Variants in AGBL1 observed in about 807,000 individuals in gnomAD.
AGBL1 encodes the protein cytosolic carboxypeptidase 4.
Under a neutral mutation model 118.9 loss-of-function variants are expected in AGBL1, and 130 were observed. The ratio of observed to expected loss-of-function variants is 1.09; its 90% CI spans 0.95 to 1.26. AGBL1 has a LOEUF of 1.26. Ranked by LOEUF, AGBL1 falls within the 50% of genes most tolerant of loss-of-function variation. The pLI is 0.00. For missense variants in AGBL1, 1,584 were observed against 1,298.1 expected (o/e 1.22, Z -3.38); for synonymous variants, 555 against 478.9 (o/e 1.16, Z -2.08).
At chr15:86,462,252 A>C (rs2082343370) in intron 18 of AGBL1, among the ~76,000 whole-genome samples, 1 of 152,082 alleles carries the variant, frequency 6.6e-6, no homozygotes, top group South Asian at 2.1e-4. Flanking sequence ...TATTGTATGG[A>C]GGGCCATATC....
intron 22 of AGBL1, among the ~76,000 whole-genome samples, chr15:86,876,121 T>C (rs2079803998): frequency 6.6e-6 from 1 of 152,172 alleles, no homozygotes; most frequent in South Asian, 2.1e-4. Flanking sequence ...CTCAAAATAT[T>C]GTAGGGTGGA....
chr15:86,584,443 G>A (rs1388206512), intron 21 of AGBL1, among the ~76,000 whole-genome samples: 2 of 152,078 alleles, frequency 1.3e-5, no homozygotes, highest in Non-Finnish European at 2.9e-5. Flanking sequence ...TGAAAAGGGA[G>A]TACTTTCCCC....
chr15:86,906,369 C>T (rs1470662134), intron 22 of AGBL1, among the ~76,000 whole-genome samples: 1 of 152,176 alleles, frequency 6.6e-6, no homozygotes, highest in Non-Finnish European at 1.5e-5. Flanking sequence ...GCTGGTCAAC[C>T]CCTGTTGATC....
intron 16 of AGBL1, among the ~76,000 whole-genome samples, chr15:86,293,434 G>A (rs2079580115): frequency 6.6e-6 from 1 of 152,134 alleles, no homozygotes; most frequent in African/African-American, 2.4e-5. Context: ...CATCTTCAAA[G>A]CCAGCAAGGG....
At chr15:86,124,233 G>C (rs945663382) in intron 1 of AGBL1, among the ~76,000 whole-genome samples, 1 of 151,444 alleles carries the variant, frequency 6.6e-6, no homozygotes, top group Non-Finnish European at 1.5e-5. Flanking sequence ...AGGAGGCTGA[G>C]GCAGGAGAAT....
At position 86,860,506 on chromosome 15, in the gene AGBL1, A is replaced by AAAGTTATGACTCT. The variant is rs1402082209; in HGVS notation, c.3159-46581_3159-46580insAAGTTATGACTCT. 4.6e-5 allele frequency among the ~76,000 whole-genome samples: 7 copies of AAAGTTATGACTCT among 152,126 alleles called. No individual in the cohort carries two copies. In the East Asian group the frequency reaches 1.4e-3, roughly 29 times the overall value. On this transcript the variant is annotated intron_variant, in intron 22 of 22. Transcript: ENST00000614907. ...CCAGCTGAGAAGTGAGAAAGAGTTA[A>AAAGTTATGACTCT]CTGCAGTCATAAAGCACAGAGGCTG...
At chr15:86,809,914 T>G in intron 22 of AGBL1, among the ~76,000 whole-genome samples, 1 of 152,154 alleles carries the variant, frequency 6.6e-6, no homozygotes, top group East Asian at 1.9e-4. Context: ...CAATAAAAGC[T>G]CTGCTGGATC....
intron 3 of AGBL1, among the ~76,000 whole-genome samples, chr15:86,146,664 G>A (rs896298190): frequency 1.3e-5 from 2 of 152,272 alleles, no homozygotes; most frequent in East Asian, 3.9e-4. Flanking sequence ...TATTACTATT[G>A]TAGTGATTAC....
At chr15:86,903,321 T>G (rs1246561481) in intron 22 of AGBL1, among the ~76,000 whole-genome samples, 1 of 152,118 alleles carries the variant, frequency 6.6e-6, no homozygotes, top group African/African-American at 2.4e-5. Context: ...ATTCTGTTAT[T>G]GGATTTCTCA....
At chr15:86,667,967 G>A (rs1218913529) in intron 21 of AGBL1, among the ~76,000 whole-genome samples, 2 of 152,298 alleles carry the variant, frequency 1.3e-5, no homozygotes, top group East Asian at 3.9e-4. Context: ...TTCTGGTGAG[G>A]CCTCAGGGAG....
chr15:86,408,983 T>A (rs1162425245), intron 18 of AGBL1, among the ~76,000 whole-genome samples: 1 of 152,210 alleles, frequency 6.6e-6, no homozygotes, highest in African/African-American at 2.4e-5. Flanking sequence ...AGGAATAGTT[T>A]AATCTCACAG....
intron 22 of AGBL1, among the ~76,000 whole-genome samples, chr15:86,716,760 A>G (rs1483259731): frequency 6.6e-6 from 1 of 152,158 alleles, no homozygotes; most frequent in East Asian, 1.9e-4. Context: ...CATAAACCAA[A>G]TTTATTTTAC....
At chr15:87,016,097 G>A (rs929082679) in intron 24 of AGBL1, among the ~76,000 whole-genome samples, 3 of 152,182 alleles carry the variant, frequency 2.0e-5, no homozygotes, top group Non-Finnish European at 4.4e-5. Flanking sequence ...CTAGCTGAAT[G>A]CTAGTTTAAT....
chr15:86,786,799 C>T (rs1295621868), intron 22 of AGBL1, among the ~76,000 whole-genome samples: 2 of 152,144 alleles, frequency 1.3e-5, no homozygotes, highest in Non-Finnish European at 2.9e-5. Context: ...AGATTAGAAA[C>T]ACTAGAATTT....
At chr15:86,744,778 G>T (rs1470480533) in intron 22 of AGBL1, among the ~76,000 whole-genome samples, 1 of 152,120 alleles carries the variant, frequency 6.6e-6, no homozygotes, top group African/African-American at 2.4e-5. Context: ...TCTATCAGTT[G>T]AGTTAATACA....
At chr15:86,863,468 G>A (rs573616282) in intron 22 of AGBL1, among the ~76,000 whole-genome samples, 14 of 151,968 alleles carry the variant, frequency 9.2e-5, no homozygotes, top group Non-Finnish European at 1.8e-4. Context: ...GCATGGCCAG[G>A]AAGCCACAGT....
chr15:86,754,946 G>A (rs915517605), intron 22 of AGBL1, among the ~76,000 whole-genome samples: 6 of 151,798 alleles, frequency 4.0e-5, no homozygotes, highest in Non-Finnish European at 7.4e-5. Context: ...TTTCTTCCCC[G>A]TATCACATTT....
chr15:86,602,484 G>A (rs897301247), intron 21 of AGBL1, among the ~76,000 whole-genome samples: 7 of 152,160 alleles, frequency 4.6e-5, no homozygotes, highest in African/African-American at 1.7e-4. Flanking sequence ...ATACAGCCTT[G>A]ATTTGAGATG....
At chr15:86,266,340 C>G (rs780957820) in intron 11 of AGBL1, 34 bp from the exon 12 acceptor site, 3 of 1,512,514 alleles carry the variant, frequency 2.0e-6, no homozygotes, top group East Asian at 4.9e-5. Context: ...GAGAGAAGGC[C>G]GACCCTTAAA....
Sources: gnomAD v4.1 joint callset for allele counts (sites outside exome capture counted in the v4.1 genomes callset) on GRCh38, gnomAD v4.1.1 for gene constraint, MANE v1.5 for transcripts, NCBI Gene and HGNC (gene_info 2026-07-23, HGNC 2026-07-21) for gene names.